SALL3: variants seen among roughly 807,000 people sequenced by gnomAD.
The protein encoded by SALL3 is spalt like transcription factor 3, also known as sal-like protein 3.
SALL3 carries 25 observed loss-of-function variants against 66.2 expected under a neutral mutation model. The ratio of observed to expected loss-of-function variants is 0.38; its 90% CI spans 0.28 to 0.53. The LOEUF (loss-of-function observed/expected upper bound fraction) is 0.53. Among genes scored for constraint, SALL3 ranks in the 20% least tolerant of loss-of-function variants. The pLI is 0.85. For synonymous variants in SALL3, 1,152 were observed against 899.1 expected (o/e 1.28, Z -5.03); for missense variants, 2,194 against 1,916.5 (o/e 1.14, Z -2.70).
At position 78,993,570 on chromosome 18, in the gene SALL3, G is replaced by T; in HGVS notation, c.1579G>T (p.Gly527Trp). The T allele has an allele frequency of 6.3e-7, 1 of 1,590,288 alleles. No individual in the cohort carries two copies. The highest frequency in any genetic ancestry group is 8.5e-7 in the Non-Finnish European group (1 of 1,172,954). Reference protein sequence around the residue: ...PVLPTVPTSVGLQLPPTVPGA... With the variant: ...PVLPTVPTSVWLQLPPTVPGA... ...GCTGCCCACCGTGCCCACGTCCGTGGGGCTGCAACTGCCGCCCACTGTCCC... is the reference window on the plus strand; with the variant it reads ...GCTGCCCACCGTGCCCACGTCCGTGTGGCTGCAACTGCCGCCCACTGTCCC... Residue 527 changes from glycine (G) to tryptophan (W), a missense_variant, in exon 2 of 3, where the codon GGG becomes TGG. Coordinates refer to ENST00000537592, the MANE Select transcript of SALL3 (RefSeq NM_171999.4).
At chr18:78,988,841 C>G (rs143730999) in intron 1 of SALL3, among the ~76,000 whole-genome samples, 1 of 152,276 alleles carries the variant, frequency 6.6e-6, no homozygotes, top group African/African-American at 2.4e-5. Flanking sequence ...CTGAAATAAT[C>G]TGAGTTGTAT....
intron 1 of SALL3, among the ~76,000 whole-genome samples, chr18:78,987,040 G>A (rs1914268672): frequency 6.6e-6 from 1 of 151,278 alleles, no homozygotes; most frequent in South Asian, 2.1e-4. Context: ...ATTATTCTAA[G>A]TAAACTTATT....
intron 1 of SALL3, among the ~76,000 whole-genome samples, chr18:78,985,326 T>C (rs1426509668): frequency 6.6e-6 from 1 of 152,242 alleles, no homozygotes; most frequent in Non-Finnish European, 1.5e-5. Context: ...TTTATAGTTC[T>C]TAAAGAAGAA....
At chr18:78,985,712 G>A (rs946520940) in intron 1 of SALL3, among the ~76,000 whole-genome samples, 1 of 152,180 alleles carries the variant, frequency 6.6e-6, no homozygotes, top group Non-Finnish European at 1.5e-5. Flanking sequence ...CCCCTCTAGA[G>A]CTATTTACAT....
rs1473962671 is a variant in SALL3, at chr18:78,998,373, A to C, written c.*1051A>C. The C allele has an allele frequency of 2.0e-5, 3 of 152,220 alleles. No homozygotes were observed. The highest frequency in any genetic ancestry group is 4.4e-5 in the Non-Finnish European group (3 of 68,022). The allele number at this position is 152,220 out of a possible 1,614,324, so 9.4% of individuals were successfully genotyped here. On this transcript the variant is annotated 3_prime_UTR_variant, in exon 3 of 3. Coordinates refer to ENST00000537592, the MANE Select transcript of SALL3 (RefSeq NM_171999.4). ...CTGTTACAGTTCCTTGTTTTGTCTT[A>C]TGGTCAAACAATATTAGAAATCTCT...
At chr18:78,990,234 C>T (rs1229858388) in intron 1 of SALL3, among the ~76,000 whole-genome samples, 1 of 152,188 alleles carries the variant, frequency 6.6e-6, no homozygotes, top group Non-Finnish European at 1.5e-5. Context: ...TTACAGATAC[C>T]TATTACATTC....
intron 1 of SALL3, among the ~76,000 whole-genome samples, chr18:78,989,689 T>C (rs1475607705): frequency 6.6e-6 from 1 of 152,252 alleles, no homozygotes; most frequent in Non-Finnish European, 1.5e-5. Flanking sequence ...TTATCTCCTG[T>C]AAGGAGTTAA....
chr18:78,989,662 C>T (rs995147381), intron 1 of SALL3, among the ~76,000 whole-genome samples: 1 of 152,126 alleles, frequency 6.6e-6, no homozygotes. Context: ...TTTTGTGTAG[C>T]ATATAAGTTA....
rs2146223553 is a variant in SALL3 at position 78,997,665 on chromosome 18, G to T, written c.*343G>T. 3.2e-6 allele frequency: 1 copy of T among 310,450 alleles called. No homozygotes were observed. The highest frequency in any genetic ancestry group is 5.4e-5 in the East Asian group (1 of 18,444). 19.2% of individuals were successfully genotyped at this position (310,450 alleles called of 1,614,324 possible). A position where few individuals can be genotyped will look rare whatever the true frequency, so the allele number is the denominator to read the frequency against. ...GAAAGGGGTTCTCTGCGGTATTCCA[G>T]TGAAACTCATTTGATGGTTTCTTTT... On this transcript the variant is annotated 3_prime_UTR_variant, in exon 3 of 3. Transcript: ENST00000537592.
chr18:78,998,300 T>A lies in SALL3; in HGVS notation c.*978T>A, dbSNP rs766727866. 1 of 144,758 alleles carries A rather than the reference T, an allele frequency of 6.9e-6. No homozygotes were observed. The highest frequency in any genetic ancestry group is 2.9e-5 in the African/African-American group (1 of 34,444). The allele number at this position is 144,758 out of a possible 1,614,324, so 9.0% of individuals were successfully genotyped here. ...TCTATAATTTGAAAATTTAAAAAAA[T>A]GTAAAGTATTTTATAAATAGTACTT... On this transcript the variant is annotated 3_prime_UTR_variant, in exon 3 of 3. Transcript: ENST00000537592.
chr18:78,995,530 T>C, intron 2 of SALL3, 68 bp downstream of exon 2: 3 of 1,487,028 alleles, frequency 2.0e-6, no homozygotes, highest in African/African-American at 2.8e-5. Context: ...CTCCATCACC[T>C]GCCGCAGACA....
In SALL3 at chr18:78,993,476, G is replaced by A. The variant is rs1201327414; in HGVS notation, c.1485G>A (p.Ser495=). The change falls in exon 2 of 3, where the codon TCG becomes TCA. Residue 495 remains serine, a synonymous_variant. Transcript: ENST00000537592. The part of the protein sequence containing the change: ...PEYLDNVPTC[S]GIPYGMSLPP... ...ACCTGGACAACGTGCCCACCTGCTC[G>A]GGCATCCCCTACGGCATGTCGCTGC... 19 of 1,612,236 alleles carry A rather than the reference G, an allele frequency of 1.2e-5. No homozygotes were observed. Among genetic ancestry groups the A allele is most frequent in the Non-Finnish European group, 1.5e-5 (18 of 1,179,814 alleles).
At chr18:78,984,498 A>G (rs1168535529) in intron 1 of SALL3, among the ~76,000 whole-genome samples, 5 of 152,188 alleles carry the variant, frequency 3.3e-5, no homozygotes, top group African/African-American at 7.2e-5. Context: ...AATAAGACCA[A>G]CATGTTTTAG....
Position 78,994,302 on chromosome 18 carries a change from C to T in SALL3, c.2311C>T (p.Leu771=). The T allele has an allele frequency of 6.2e-7, 1 of 1,613,748 alleles. No individual in the cohort carries two copies. The highest frequency in any genetic ancestry group is 8.5e-7 in the Non-Finnish European group (1 of 1,180,030). ...GGGCGGCCAGATCCCCAACACGCCG[C>T]TGCCGGAGGGCTTCCAGGATGCCAT... The part of the protein sequence containing the change: ...HMGGQIPNTP[L]PEGFQDAMDS... The change falls in exon 2 of 3, where the codon CTG becomes TTG. Residue 771 remains leucine, a synonymous_variant. Coordinates refer to ENST00000537592, the MANE Select transcript of SALL3 (RefSeq NM_171999.4).
Position 78,992,587 on chromosome 18 carries a change from C to T in SALL3, c.596C>T (p.Ala199Val), listed in dbSNP as rs1307461001. 3.3e-6 allele frequency: 5 copies of T among 1,509,972 alleles called. No homozygotes were observed. The Admixed American group carries it at 6.0e-5, about 18-fold the overall frequency. The allele number at this position is 1,509,972 out of a possible 1,614,324, so 93.5% of individuals were successfully genotyped here. The change falls in exon 2 of 3, where the codon GCT becomes GTT. Residue 199 changes from alanine (A) to valine (V), a missense_variant. By Grantham distance (64) the Ala-to-Val change is moderately conservative. Transcript: ENST00000537592. ...TCGGGAGCAGGTGGAGGCGTGGCAG[C>T]TGCAGCCGTGCCCCTGATCCTGGAA... Reference protein sequence around the residue: ...GGSGAGGGVAAAAVPLILEQL... With the variant: ...GGSGAGGGVAVAAVPLILEQL...
chr18:78,994,431 G>T lies in SALL3; in HGVS notation c.2440G>T (p.Ala814Ser). The change falls in exon 2 of 3, where the codon GCG becomes TCG. Residue 814 changes from alanine (A) to serine (S), a missense_variant. By Grantham distance (99) the Ala-to-Ser change is moderately conservative (BLOSUM62 1). Transcript: ENST00000537592. ...SMEDDAELKD[A>S]ATDPAKPLLS... is the part of the protein sequence containing the mutation. Reference sequence around the variant, plus strand: ...GGAGGACGACGCTGAGCTGAAGGACGCGGCCACCGACCCGGCCAAGCCACT... The same window carrying T: ...GGAGGACGACGCTGAGCTGAAGGACTCGGCCACCGACCCGGCCAAGCCACT... 6.2e-7 allele frequency: 1 copy of T among 1,612,410 alleles called. No individual in the cohort carries two copies. The highest frequency in any genetic ancestry group is 8.5e-7 in the Non-Finnish European group (1 of 1,179,892).
chr18:78,985,053 G>C (rs549656623), intron 1 of SALL3: 1 of 152,202 alleles, frequency 6.6e-6, no homozygotes, highest in South Asian at 2.1e-4. Context: ...GCCAGCTTCC[G>C]ACCGTCTCTC....
At chr18:78,988,416 T>C (rs1431666893) in intron 1 of SALL3, among the ~76,000 whole-genome samples, 1 of 152,244 alleles carries the variant, frequency 6.6e-6, no homozygotes, top group Non-Finnish European at 1.5e-5. Flanking sequence ...TAAGAACTTA[T>C]TCTTCAGAAT....
Position 78,995,268 on chromosome 18 carries a change from G to T in SALL3, c.3277G>T (p.Val1093Leu). The change falls in exon 2 of 3, where the codon GTG becomes TTG. Residue 1093 changes from valine (V) to leucine (L), a missense_variant. Coordinates refer to ENST00000537592, the MANE Select transcript of SALL3 (RefSeq NM_171999.4). ...GVQVPAGPQT[V>L]MGPGLAPMLA... is the part of the protein sequence containing the mutation. Reference sequence around the variant, plus strand: ...CCAGGTCCCCGCCGGGCCTCAGACAGTGATGGGCCCGGGCCTGGCGCCCAT... The same window carrying T: ...CCAGGTCCCCGCCGGGCCTCAGACATTGATGGGCCCGGGCCTGGCGCCCAT... 1 of 1,593,606 alleles carries T rather than the reference G, an allele frequency of 6.3e-7. No individual in the cohort carries two copies. The highest frequency in any genetic ancestry group is 8.5e-7 in the Non-Finnish European group (1 of 1,175,192).
Sources: allele counts gnomAD v4.1 joint callset (sites outside exome capture counted in the v4.1 genomes callset), GRCh38; gene constraint gnomAD v4.1.1; transcripts MANE v1.5; gene names NCBI Gene and HGNC (gene_info 2026-07-23, HGNC 2026-07-21).